ARMCX4: variants seen among roughly 807,000 people sequenced by gnomAD.
The protein encoded by ARMCX4 is armadillo repeat containing X-linked 4.
In ARMCX4, 3 loss-of-function variants were observed where a neutral mutation model predicts 34.7. That is an observed-to-expected ratio of 0.09 (90% CI 0.04 to 0.22). The LOEUF is 0.22. Among genes scored for constraint, ARMCX4 ranks in the 10% least tolerant of loss-of-function variants. The probability of loss-of-function intolerance (pLI) is 1.00; values close to 1 mark genes in which losing one functional copy is unlikely to be tolerated. For missense variants in ARMCX4, 1,448 were observed against 1,720.8 expected (o/e 0.84, Z 2.81); for synonymous variants, 513 against 632.8 (o/e 0.81, Z 2.84).
chrX:101,458,271 G>C (rs921053206), intron 4 of ARMCX4, among the ~76,000 whole-genome samples: 2 of 110,774 alleles, frequency 1.8e-5, no homozygotes, highest in African/African-American at 3.3e-5. Context: ...TTTCAAGTTG[G>C]CTCCTGAATG....
intron 4 of ARMCX4, among the ~76,000 whole-genome samples, chrX:101,475,552 A>G (rs1933149606): frequency 8.9e-6 from 1 of 112,027 alleles, no homozygotes; most frequent in Non-Finnish European, 1.9e-5. Flanking sequence ...AAATCCAAAT[A>G]TATTGTAATG....
Position 101,491,980 on chromosome X carries a change from G to A in ARMCX4, c.3391G>A (p.Asp1131Asn). 5.2e-6 allele frequency: 6 copies of A among 1,155,142 alleles called. No homozygotes were observed. The highest frequency in any genetic ancestry group is 6.9e-6 in the Non-Finnish European group (6 of 871,792). The stretch of plus-strand genomic sequence containing the variant: ...CTGGGAAAATAGCGTGTCCTGGGCT[G>A]ATGATGAGAATGAAGCCAGTATTGG... ...GDWENSVSWA[D>N]DENEASIGSW... Residue 1131 changes from aspartate to asparagine, a missense_variant, in exon 6 of 6, where the codon GAT becomes AAT. By Grantham distance (23) the Asp-to-Asn change is conservative. This residue lies in a region of ARMCX4 where 1,343 missense variants were observed against 1,540.7 expected (regional missense o/e 0.87). Transcript: ENST00000423738.
At chrX:101,444,148 A>G in exon 3 of ARMCX4, 1 of 279,410 alleles carries the variant, frequency 3.6e-6, no homozygotes, top group South Asian at 4.2e-5. Flanking sequence ...GCGATGTTGA[A>G]GAACATGGTG....
chrX:101,506,321 A>G (rs1188774659), intron 8 of ARMCX4, among the ~76,000 whole-genome samples: 2 of 112,189 alleles, frequency 1.8e-5, no homozygotes, highest in Admixed American at 9.5e-5. Flanking sequence ...TTAGCATAAT[A>G]TTCTTCTATT....
At chrX:101,461,765 A>G (rs930914515) in intron 4 of ARMCX4, among the ~76,000 whole-genome samples, 3 of 111,630 alleles carry the variant, frequency 2.7e-5, no homozygotes, top group Non-Finnish European at 5.6e-5. Context: ...AGCCATCCTA[A>G]TGGGTGTGAT....
chrX:101,431,772 T>C (rs1320586067), intron 2 of ARMCX4, among the ~76,000 whole-genome samples: 1 of 111,905 alleles, frequency 8.9e-6, no homozygotes, highest in Non-Finnish European at 1.9e-5. Context: ...CTTGATCTCC[T>C]GACCTTGTGA....
rs1360971290 is a variant in ARMCX4, at chrX:101,521,472, G to A, written c.*1781-10172G>A. Among the ~76,000 whole-genome samples the A allele has an allele frequency of 7.2e-5, 8 of 110,547 alleles. No homozygotes were observed. The East Asian group carries it at 2.3e-3, about 32-fold the overall frequency. ...TTTTTCTTGGTCAATCTAGCCTAAGGTCTGTCAATTTTGTTGATCTTTTTA... is the reference window on the plus strand; with the variant it reads ...TTTTTCTTGGTCAATCTAGCCTAAGATCTGTCAATTTTGTTGATCTTTTTA... On this transcript the variant is annotated intron_variant and NMD_transcript_variant, in intron 11 of 12. Transcript: ENST00000354842.
chrX:101,477,168 G>A (rs1556004490), intron 4 of ARMCX4, among the ~76,000 whole-genome samples: 1 of 109,999 alleles, frequency 9.1e-6, no homozygotes, highest in African/African-American at 3.3e-5. Context: ...GGCCGGGCAT[G>A]GTGGCTCACG....
At chrX:101,530,535 A>C (rs1935105446) in intron 11 of ARMCX4, among the ~76,000 whole-genome samples, 1 of 112,291 alleles carries the variant, frequency 8.9e-6, no homozygotes, top group Non-Finnish European at 1.9e-5. Flanking sequence ...AAAGAAAAAA[A>C]TTTTAAGGTA....
intron 2 of ARMCX4, among the ~76,000 whole-genome samples, chrX:101,422,824 T>A (rs1432959737): frequency 4.5e-5 from 5 of 111,873 alleles, no homozygotes; most frequent in African/African-American, 1.6e-4. Flanking sequence ...AGGTCTGATT[T>A]CTTTCACTGT....
chrX:101,489,636 G>C lies in ARMCX4; in HGVS notation c.1047G>C (p.Lys349Asn). Residue 349 changes from lysine (K) to asparagine (N), a missense_variant, in exon 6 of 6, where the codon AAG (lysine) becomes AAC (asparagine). Physicochemically the swap from Lys to Asn is moderately conservative, Grantham distance 94. Coordinates refer to ENST00000423738, the MANE Select transcript of ARMCX4 (RefSeq NM_001256155.3). ...GGGGTAACACCAATGCCATGTGTAA[G>C]GTGGGGGCAGGGGCAGATGTGAGAG... is the stretch of plus-strand genomic sequence containing the variant. ...DAGGNTNAMCKVGAGADVRAC... is the reference protein window; with the variant it reads ...DAGGNTNAMCNVGAGADVRAC... 8.7e-7 allele frequency: 1 copy of C among 1,155,126 alleles called. No individual in the cohort carries two copies. Among genetic ancestry groups the C allele is most frequent in the Non-Finnish European group, 1.1e-6 (1 of 872,638 alleles).
chrX:101,442,275 A>C (rs1176678509), intron 2 of ARMCX4, among the ~76,000 whole-genome samples: 2 of 112,055 alleles, frequency 1.8e-5, no homozygotes, highest in Admixed American at 9.5e-5. Flanking sequence ...TGATGGAATG[A>C]AATCTGCTTG....
At chrX:101,423,531 C>T (rs1378688145) in intron 2 of ARMCX4, among the ~76,000 whole-genome samples, 17 of 109,261 alleles carry the variant, frequency 1.6e-4, no homozygotes, top group Admixed American at 1.3e-3. Flanking sequence ...GCAGGAGAAT[C>T]GCTTGAACCT....
chrX:101,432,806 GTA>G (rs1930185652), intron 2 of ARMCX4, among the ~76,000 whole-genome samples: 1 of 101,909 alleles, frequency 9.8e-6, no homozygotes, highest in East Asian at 3.1e-4. Context: ...ACACATGTAT[GTA>G]TACATATATA....
chrX:101,534,479 A>T (rs1410893272), downstream of ARMCX4, among the ~76,000 whole-genome samples: 1 of 111,294 alleles, frequency 9.0e-6, no homozygotes, highest in Non-Finnish European at 1.9e-5. Context: ...GAAACATATT[A>T]TGAAGATACT....
chrX:101,499,552 A>G (rs782723354), downstream of ARMCX4, among the ~76,000 whole-genome samples: 1 of 112,090 alleles, frequency 8.9e-6, no homozygotes, highest in East Asian at 2.8e-4. Flanking sequence ...TCAGAGTAGG[A>G]GAGGATCTTA....
At chrX:101,515,485 C>A (rs1603226338) in intron 11 of ARMCX4, among the ~76,000 whole-genome samples, 1 of 59,276 alleles carries the variant, frequency 1.7e-5, no homozygotes, top group Admixed American at 2.1e-4. Context: ...CTCCCTCCCT[C>A]CCTCCCTCTC....
At chrX:101,437,783 C>A (rs1393134004) in intron 2 of ARMCX4, among the ~76,000 whole-genome samples, 3 of 111,786 alleles carry the variant, frequency 2.7e-5, no homozygotes, top group South Asian at 3.7e-4. Flanking sequence ...GTGGGAATTT[C>A]GTGCTATAAA....
Position 101,493,544 on chromosome X carries a change from A to C in ARMCX4, c.4955A>C (p.Asp1652Ala). The change falls in exon 6 of 6, where the codon GAT becomes GCT. Residue 1652 changes from aspartate (D) to alanine (A), a missense_variant. By Grantham distance (126) the Asp-to-Ala change is moderately radical. Transcript: ENST00000423738. ...SSGRSWIGPG[D>A]QAVDCSKPEF... ...GGAAGGTCCTGGATTGGGCCTGGGG[A>C]TCAGGCTGTTGACTGTTCCAAGCCT... The C allele has an allele frequency of 8.7e-7, 1 of 1,153,534 alleles. No individual in the cohort carries two copies. The highest frequency in any genetic ancestry group is 1.1e-6 in the Non-Finnish European group (1 of 871,822).
Sources: gnomAD v4.1 joint callset for allele counts (sites outside exome capture counted in the v4.1 genomes callset) on GRCh38, gnomAD v4.1.1 for gene constraint, gnomAD v4.1.1 regional missense constraint, MANE v1.5 for transcripts, NCBI Gene and HGNC (gene_info 2026-07-23, HGNC 2026-07-21) for gene names.